The following PAK3 variants were observed in gnomAD, a reference collection of about 807,000 sequenced individuals.
PAK3 encodes the protein p21 (RAC1) activated kinase 3.
Under a neutral mutation model 41.0 loss-of-function variants are expected in PAK3, and 4 were observed. The ratio of observed to expected loss-of-function variants is 0.10; its 90% CI spans 0.05 to 0.22. The LOEUF (loss-of-function observed/expected upper bound fraction) is 0.22. PAK3 is among the 10% of genes least tolerant of loss of function. The probability of loss-of-function intolerance (pLI) is 1.00; values close to 1 mark genes in which losing one functional copy is unlikely to be tolerated. For missense variants in PAK3, 205 were observed against 409.9 expected (o/e 0.50, Z 4.32); for synonymous variants, 146 against 139.6 (o/e 1.05, Z -0.32).
intron 1 of PAK3, among the ~76,000 whole-genome samples, chrX:111,050,209 G>A (rs6567932): frequency 0.016 from 1,817 of 110,914 alleles, 43 homozygotes; most frequent in African/African-American, 0.057. Flanking sequence ...TTTTTCCCAG[G>A]TAGGGGGTTC....
chrX:111,150,240 CAA>C (rs2094006578), intron 7 of PAK3, among the ~76,000 whole-genome samples: 2 of 112,130 alleles, frequency 1.8e-5, no homozygotes, highest in Admixed American at 9.4e-5. Flanking sequence ...GCATTTTGGA[CAA>C]AGTCATTCAA....
chrX:111,201,738 C>A (rs2094685963), intron 16 of PAK3, among the ~76,000 whole-genome samples: 1 of 101,595 alleles, frequency 9.8e-6, no homozygotes, highest in African/African-American at 4.6e-5. Context: ...AAAATGAGAA[C>A]TATGTCTATC....
chrX:111,186,562 G>A (rs901234479), intron 11 of PAK3, among the ~76,000 whole-genome samples: 5 of 111,349 alleles, frequency 4.5e-5, no homozygotes, highest in Middle Eastern at 4.7e-3. Flanking sequence ...AAATACCTAG[G>A]AATGCAACTT....
In PAK3 at chrX:111,220,944, G is replaced by GCAAAAAAAAAAAAAAAAAAAAAAAAAAA. The variant is rs2094923264; in HGVS notation, c.*515_*516insAAAAAAAAAACAAAAAAAAAAAAAAAAA. On this transcript the variant is annotated 3_prime_UTR_variant, in exon 18 of 18. Transcript: ENST00000372007. ...AAAAAAAGAAAGCAAAAAAAGCAAG[G>GCAAAAAAAAAAAAAAAAAAAAAAAAAAA]CAAAAAAAAAAAAAAAAACAAACAA... 5.9e-5 allele frequency: 1 copy of GCAAAAAAAAAAAAAAAAAAAAAAAAAAA among 16,927 alleles called. No individual in the cohort carries two copies. The highest frequency in any genetic ancestry group is 2.4e-4 in the African/African-American group (1 of 4,101). The allele number at this position is 16,927 out of a possible 1,213,427, so 1.4% of individuals were successfully genotyped here.
chrX:111,114,197 G>A (rs749581720), intron 4 of PAK3, among the ~76,000 whole-genome samples: 1 of 112,208 alleles, frequency 8.9e-6, no homozygotes, highest in South Asian at 3.7e-4. Flanking sequence ...TTGAGGAATT[G>A]CCACACTGTA....
chrX:111,170,919 A>G (rs776268967), intron 10 of PAK3, among the ~76,000 whole-genome samples: 9 of 111,418 alleles, frequency 8.1e-5, no homozygotes, highest in African/African-American at 2.6e-4. Context: ...CTGTCTAACT[A>G]CAGAAATAGG....
chrX:111,151,970 A>G (rs776741964), intron 7 of PAK3, among the ~76,000 whole-genome samples: 2 of 112,171 alleles, frequency 1.8e-5, no homozygotes, highest in Non-Finnish European at 3.8e-5. Context: ...AGATTTTATC[A>G]TACTCAGAAT....
intron 11 of PAK3, among the ~76,000 whole-genome samples, chrX:111,176,119 A>C (rs1399046917): frequency 2.7e-5 from 3 of 110,968 alleles, no homozygotes; most frequent in Admixed American, 1.9e-4. Context: ...AATTTTGTGC[A>C]GTTATGATCA....
intron 1 of PAK3, among the ~76,000 whole-genome samples, chrX:110,947,616 G>A (rs2090646175): frequency 8.9e-6 from 1 of 111,842 alleles, no homozygotes; most frequent in Non-Finnish European, 1.9e-5. Context: ...CTTTCCTGCA[G>A]GGCTTCTAAA....
At chrX:111,020,983 C>T (rs1011170350) in intron 1 of PAK3, among the ~76,000 whole-genome samples, 1 of 111,347 alleles carries the variant, frequency 9.0e-6, no homozygotes, top group Non-Finnish European at 1.9e-5. Context: ...ACCCCCATCC[C>T]CCACAGCAGC....
At chrX:110,953,746 C>T (rs928320600) in intron 1 of PAK3, among the ~76,000 whole-genome samples, 2 of 111,849 alleles carry the variant, frequency 1.8e-5, no homozygotes, top group African/African-American at 6.5e-5. Flanking sequence ...GGCTTTTGGC[C>T]TAGCTCCCTG....
At chrX:111,195,975 CAG>C in intron 15 of PAK3, 34 bp downstream of exon 15, 2 of 754,080 alleles carry the variant, frequency 2.7e-6, no homozygotes, top group Non-Finnish European at 2.1e-6. Flanking sequence ...ATTAGAGTAT[CAG>C]GGAATTTCTG....
chrX:111,121,880 G>A (rs2093576274), intron 4 of PAK3, among the ~76,000 whole-genome samples: 1 of 110,781 alleles, frequency 9.0e-6, no homozygotes, highest in Non-Finnish European at 1.9e-5. Context: ...CCCTTGGGGA[G>A]TTCATGCTTT....
chrX:111,221,878 G>A lies in PAK3; in HGVS notation c.*1431G>A, dbSNP rs2094929787. On this transcript the variant is annotated 3_prime_UTR_variant, in exon 18 of 18. Coordinates refer to ENST00000372007, the MANE Select transcript of PAK3 (RefSeq NM_002578.5). ...ATTTTAACTTACAATCATATCCCAAGAAATGTCAGTCCGACAGAATTCCTT... is the reference window on the plus strand; with the variant it reads ...ATTTTAACTTACAATCATATCCCAAAAAATGTCAGTCCGACAGAATTCCTT... The A allele has an allele frequency of 8.9e-6, 1 of 111,889 alleles. No homozygotes were observed. Among genetic ancestry groups the A allele is most frequent in the Non-Finnish European group, 1.9e-5 (1 of 53,133 alleles). 9.2% of individuals were successfully genotyped at this position (111,889 alleles called of 1,213,427 possible).
At chrX:111,161,307 G>T (rs2094184329) in intron 8 of PAK3, among the ~76,000 whole-genome samples, 1 of 111,302 alleles carries the variant, frequency 9.0e-6, no homozygotes, top group Admixed American at 9.5e-5. Context: ...ACTTTTTGAT[G>T]GGGTTGTTTG....
chrX:110,957,504 T>G (rs1285737909), intron 1 of PAK3, among the ~76,000 whole-genome samples: 1 of 112,283 alleles, frequency 8.9e-6, no homozygotes, highest in East Asian at 2.8e-4. Context: ...AAGGGTTGCA[T>G]GACCCAAGAG....
chrX:111,185,523 G>A (rs1461511379), intron 11 of PAK3, among the ~76,000 whole-genome samples: 1 of 111,329 alleles, frequency 9.0e-6, no homozygotes, highest in Non-Finnish European at 1.9e-5. Context: ...GTTTTTTATG[G>A]TTTTAGGTTT....
At chrX:111,019,366 G>T (rs1445750508) in intron 1 of PAK3, among the ~76,000 whole-genome samples, 1 of 109,724 alleles carries the variant, frequency 9.1e-6, no homozygotes, top group Non-Finnish European at 1.9e-5. Context: ...ATCCAGAATT[G>T]TAAACTCAAC....
chrX:110,997,187 G>T (rs775570095), intron 1 of PAK3, among the ~76,000 whole-genome samples: 1 of 110,868 alleles, frequency 9.0e-6, no homozygotes, highest in African/African-American at 3.3e-5. Context: ...ATAAATTCAG[G>T]AATTTAATGG....
Sources: gnomAD v4.1 joint callset for allele counts (sites outside exome capture counted in the v4.1 genomes callset) on GRCh38, gnomAD v4.1.1 for gene constraint, MANE v1.5 for transcripts, NCBI Gene and HGNC (gene_info 2026-07-23, HGNC 2026-07-21) for gene names.